DAB2IP: variants seen among roughly 807,000 people sequenced by gnomAD.
The protein encoded by DAB2IP is disabled homolog 2-interacting protein.
A neutral mutation model predicts 107.2 loss-of-function variants in DAB2IP; 28 were observed. The ratio of observed to expected loss-of-function variants is 0.26; its 90% CI spans 0.19 to 0.36. The LOEUF (loss-of-function observed/expected upper bound fraction) is 0.36, where lower values mean the gene tolerates loss of function less well. DAB2IP is among the 10% of genes least tolerant of loss of function. The probability of loss-of-function intolerance (pLI) is 1.00; values close to 1 mark genes in which losing one functional copy is unlikely to be tolerated. For synonymous variants in DAB2IP, 755 were observed against 706.4 expected, an observed-to-expected ratio of 1.07 and a Z score of -1.09; for missense variants, 1,400 against 1,644.7, an observed-to-expected ratio of 0.85 and a Z score of 2.57.
rs367742152 is a variant in DAB2IP, at chr9:121,774,345, G to T, written c.3053G>T (p.Gly1018Val). The stretch of plus-strand genomic sequence containing the variant: ...AACGCGCAGTTGTTAGAAGACGAGG[G>T]CCTGGGCCCAGACCCCCCCCACAGG... The change falls in exon 13 of 16, where the codon GGC becomes GTC. Residue 1018 changes from glycine to valine, a missense_variant. Coordinates refer to ENST00000408936, the Ensembl canonical transcript of DAB2IP. 44 of 1,613,276 alleles carry T rather than the reference G, an allele frequency of 2.7e-5. No homozygotes were observed. The African/African-American group carries it at 4.5e-4, about 17-fold the overall frequency.
At chr9:121,729,962 G>T (rs1831434758) in intron 3 of DAB2IP, among the ~76,000 whole-genome samples, 1 of 152,220 alleles carries the variant, frequency 6.6e-6, no homozygotes, top group East Asian at 1.9e-4. Context: ...GTGTGGGTGT[G>T]TGTGGGGTTA....
At chr9:121,775,617 T>A (rs563794666) in intron 13 of DAB2IP, among the ~76,000 whole-genome samples, 1 of 152,194 alleles carries the variant, frequency 6.6e-6, no homozygotes, top group Non-Finnish European at 1.5e-5. Flanking sequence ...TCCCTGATGG[T>A]TGGGGTCTGT....
At chr9:121,716,290 A>T (rs954231958) in intron 3 of DAB2IP, among the ~76,000 whole-genome samples, 1 of 152,232 alleles carries the variant, frequency 6.6e-6, no homozygotes, top group African/African-American at 2.4e-5. Context: ...CACTGTGCCC[A>T]TAGGGCCACA....
At chr9:121,734,338 T>C (rs1345231357) in intron 3 of DAB2IP, among the ~76,000 whole-genome samples, 1 of 150,610 alleles carries the variant, frequency 6.6e-6, no homozygotes, top group African/African-American at 2.5e-5. Context: ...GATTGCGCCA[T>C]TGCAGTCCGC....
chr9:121,640,460 G>A (rs951428211), intron 1 of DAB2IP, among the ~76,000 whole-genome samples: 4 of 152,138 alleles, frequency 2.6e-5, no homozygotes, highest in African/African-American at 7.2e-5. Context: ...ACAGCTTCCC[G>A]GGACAGAGGC....
intron 9 of DAB2IP, among the ~76,000 whole-genome samples, chr9:121,767,290 C>A (rs1215219112): frequency 6.6e-6 from 1 of 152,232 alleles, no homozygotes; most frequent in African/African-American, 2.4e-5. Context: ...TGAGCCCCAT[C>A]CTGGGGCCAT....
intron 3 of DAB2IP, among the ~76,000 whole-genome samples, chr9:121,744,050 G>T (rs1832543085): frequency 6.6e-6 from 1 of 152,210 alleles, no homozygotes; most frequent in Non-Finnish European, 1.5e-5. Context: ...GGTGTGCTCC[G>T]TTGAGAACTG....
At chr9:121,765,301 CCT>C (rs1311125398) in intron 8 of DAB2IP, among the ~76,000 whole-genome samples, 2 of 152,224 alleles carry the variant, frequency 1.3e-5, no homozygotes, top group Non-Finnish European at 1.5e-5. Flanking sequence ...ATCAGAGGCA[CCT>C]CTCCATTCTG....
chr9:121,670,747 T>C (rs1376047781), intron 1 of DAB2IP, among the ~76,000 whole-genome samples: 1 of 152,214 alleles, frequency 6.6e-6, no homozygotes, highest in African/African-American at 2.4e-5. Context: ...CCGGGCACAG[T>C]GGGTCACGGC....
chr9:121,730,180 C>CA lies in DAB2IP; in HGVS notation c.363-26828dup, dbSNP rs146030100. On this transcript the variant is annotated intron_variant, in intron 3 of 15. Coordinates refer to ENST00000408936, the Ensembl canonical transcript of DAB2IP. ...GAAACTTTTCACAGGCCTAATGACT[C>CA]AAAAATAAGCAACAGTAAGCCTGAA... Among the ~76,000 whole-genome samples the CA allele has an allele frequency of 2.0e-3, 311 of 152,312 alleles. 6 individuals carry two copies. In the East Asian group the frequency reaches 0.054, roughly 27 times the overall value.
chr9:121,679,238 A>T (rs1828445705), intron 2 of DAB2IP, among the ~76,000 whole-genome samples: 4 of 152,202 alleles, frequency 2.6e-5, no homozygotes, highest in Non-Finnish European at 5.9e-5. Context: ...TATATATTAT[A>T]ACTGATGATG....
At chr9:121,660,845 GC>G (rs1833171415) in intron 1 of DAB2IP, among the ~76,000 whole-genome samples, 1 of 151,998 alleles carries the variant, frequency 6.6e-6, no homozygotes, top group South Asian at 2.1e-4. Flanking sequence ...TCTATATTTG[GC>G]AAGAAAAGAA....
intron 2 of DAB2IP, among the ~76,000 whole-genome samples, chr9:121,689,814 A>G (rs1429457934): frequency 6.6e-6 from 1 of 152,240 alleles, no homozygotes; most frequent in Non-Finnish European, 1.5e-5. Context: ...ACAAAGCTGG[A>G]AAGAATTCAG....
intron 1 of DAB2IP, among the ~76,000 whole-genome samples, chr9:121,603,576 C>CT (rs1830764106): frequency 6.6e-6 from 1 of 152,090 alleles, no homozygotes. Flanking sequence ...GCACTCTGGC[C>CT]TTTTTTGCAG....
intron 2 of DAB2IP, among the ~76,000 whole-genome samples, chr9:121,693,352 C>T (rs1185749393): frequency 2.0e-5 from 3 of 152,192 alleles, no homozygotes; most frequent in African/African-American, 4.8e-5. Flanking sequence ...ACCAGCCTGC[C>T]GCGGTGTCAG....
At chr9:121,625,372 GA>G (rs1216984137) in intron 1 of DAB2IP, among the ~76,000 whole-genome samples, 1 of 151,772 alleles carries the variant, frequency 6.6e-6, no homozygotes, top group Non-Finnish European at 1.5e-5. Flanking sequence ...CCGAGTAGCT[GA>G]GACTACAGGT....
chr9:121,598,986 T>A (rs1830598769), intron 1 of DAB2IP, among the ~76,000 whole-genome samples: 1 of 152,068 alleles, frequency 6.6e-6, no homozygotes, highest in Non-Finnish European at 1.5e-5. Context: ...GAGTTTCTGT[T>A]GGTGGGAGTG....
intron 3 of DAB2IP, among the ~76,000 whole-genome samples, chr9:121,728,588 A>G (rs1831358497): frequency 6.6e-6 from 1 of 150,684 alleles, no homozygotes; most frequent in Non-Finnish European, 1.5e-5. Context: ...CATGCCAAGA[A>G]TACATACCCA....
chr9:121,586,150 C>T (rs989256628), intron 1 of DAB2IP, among the ~76,000 whole-genome samples: 1 of 152,204 alleles, frequency 6.6e-6, no homozygotes, highest in Non-Finnish European at 1.5e-5. Flanking sequence ...ATTGGAATTG[C>T]CCTAAAGCTG....
Sources: allele counts gnomAD v4.1 joint callset (sites outside exome capture counted in the v4.1 genomes callset), GRCh38; gene constraint gnomAD v4.1.1; transcripts MANE v1.5; gene names NCBI Gene and HGNC (gene_info 2026-07-23, HGNC 2026-07-21).